The following VSTM2A variants were observed in gnomAD, a reference collection of about 807,000 sequenced individuals.
VSTM2A encodes V-set and transmembrane domain containing 2A, also known as V-set and transmembrane domain-containing protein 2A.
In VSTM2A, 13 loss-of-function variants were observed where a neutral mutation model predicts 27.3. The ratio of observed to expected loss-of-function variants is 0.48; its 90% CI spans 0.31 to 0.76. The LOEUF (loss-of-function observed/expected upper bound fraction) is 0.76, where lower values mean the gene tolerates loss of function less well. VSTM2A is among the 30% of genes least tolerant of loss of function. VSTM2A has a pLI of 0.05. For synonymous variants in VSTM2A, 142 were observed against 125.7 expected (o/e 1.13, Z -0.87); for missense variants, 280 against 310.0 (o/e 0.90, Z 0.73).
Position 54,544,755 on chromosome 7 carries a change from C to T in VSTM2A, c.213C>T (p.Asp71=). 1.9e-6 allele frequency: 3 copies of T among 1,611,940 alleles called. No individual in the cohort carries two copies. The highest frequency in any genetic ancestry group is 2.5e-6 in the Non-Finnish European group (3 of 1,179,532). ...GGTGGTTCCTGCGGGGGCCGGAGGA[C>T]CTGGATCCCGGGGCCGAGGGGGCCG... ...IQWWFLRGPE[D]LDPGAEGAGA... The change falls in exon 2 of 5, where the codon GAC becomes GAT. Residue 71 remains aspartate, a synonymous_variant. Transcript: ENST00000402613.
intron 2 of VSTM2A, 109 bp from the exon 3 acceptor site, chr7:54,546,838 C>CCCTGGTCGCTCCCCTGTCT: frequency 6.8e-7 from 1 of 1,472,266 alleles, no homozygotes; most frequent in Non-Finnish European, 9.1e-7. Flanking sequence ...CTCCCCTGTC[C>CCCTGGTCGCTCCCCTGTCT]CCAGGTCACC....
chr7:54,552,669 A>G (rs1439162443), intron 4 of VSTM2A: 1 of 152,236 alleles, frequency 6.6e-6, no homozygotes, highest in Admixed American at 6.5e-5. Flanking sequence ...AGAAAACAAA[A>G]TATTTGTACA....
At chr7:54,547,430 A>C (rs1446287696) in intron 3 of VSTM2A, among the ~76,000 whole-genome samples, 1 of 152,222 alleles carries the variant, frequency 6.6e-6, no homozygotes, top group Non-Finnish European at 1.5e-5. Context: ...AAGCAACTAA[A>C]TTTTGAATGT....
intron 4 of VSTM2A, chr7:54,554,113 G>A: frequency 6.5e-7 from 1 of 1,548,640 alleles, no homozygotes; most frequent in Non-Finnish European, 8.7e-7. Flanking sequence ...AAGCTGTCAT[G>A]CAAGTCACTG....
At chr7:54,545,212 C>A (rs1787909391) in intron 2 of VSTM2A, among the ~76,000 whole-genome samples, 1 of 151,868 alleles carries the variant, frequency 6.6e-6, no homozygotes, top group Admixed American at 6.6e-5. Context: ...GGGACCGCAG[C>A]CCCCAGGCTG....
chr7:54,550,684 A>T (rs1788161508), intron 4 of VSTM2A: 1 of 158,406 alleles, frequency 6.3e-6, no homozygotes, highest in African/African-American at 2.4e-5. Context: ...TAATGGAAGG[A>T]TGGAGGGGGG....
Position 54,570,752 on chromosome 7 carries a change from C to G in VSTM2A, c.*1533C>G, listed in dbSNP as rs1788869396. On this transcript the variant is annotated 3_prime_UTR_variant, in exon 5 of 5. Coordinates refer to ENST00000402613, the MANE Select transcript of VSTM2A (RefSeq NM_001301009.2). Reference sequence around the variant, plus strand: ...TAGATAAAGCTTGAGAGATAAATGACCTAAGTTTTCCTTCCAGAGAGACTC... The same window carrying G: ...TAGATAAAGCTTGAGAGATAAATGAGCTAAGTTTTCCTTCCAGAGAGACTC... The G allele has an allele frequency of 6.6e-6, 1 of 152,082 alleles. No individual in the cohort carries two copies. Among genetic ancestry groups the G allele is most frequent in the Admixed American group, 6.6e-5 (1 of 15,264 alleles). The allele number at this position is 152,082 out of a possible 1,614,324, so 9.4% of individuals were successfully genotyped here.
intron 4 of VSTM2A, among the ~76,000 whole-genome samples, chr7:54,564,106 A>G (rs568705027): frequency 9.8e-5 from 15 of 152,304 alleles, no homozygotes; most frequent in African/African-American, 3.6e-4. Flanking sequence ...CGTCTACTCG[A>G]AGAGCTGTAA....
chr7:54,569,237 G>A lies in VSTM2A; in HGVS notation c.*18G>A, dbSNP rs1046724918. On this transcript the variant is annotated 3_prime_UTR_variant, in exon 5 of 5. Coordinates refer to ENST00000402613, the MANE Select transcript of VSTM2A (RefSeq NM_001301009.2). ...TACTCTAATTCACTACACAAGGAGC[G>A]CCTGCTTCCGGAAGCATAAATGAAG... 10 of 1,551,482 alleles carry A rather than the reference G, an allele frequency of 6.4e-6. No individual in the cohort carries two copies. Among genetic ancestry groups the A allele is most frequent in the South Asian group, 6.0e-5 (5 of 84,026 alleles).
At chr7:54,562,272 C>T (rs1215417300) in intron 4 of VSTM2A, among the ~76,000 whole-genome samples, 2 of 152,190 alleles carry the variant, frequency 1.3e-5, no homozygotes, top group African/African-American at 4.8e-5. Flanking sequence ...TTTCAATTTA[C>T]ATAAGAAGAT....
chr7:54,565,343 TGC>T (rs1318902106), intron 4 of VSTM2A, among the ~76,000 whole-genome samples: 1 of 152,228 alleles, frequency 6.6e-6, no homozygotes, highest in Non-Finnish European at 1.5e-5. Flanking sequence ...TACTGCATGT[TGC>T]CTGGCACCTA....
At chr7:54,555,601 C>T (rs114484757) in intron 4 of VSTM2A, among the ~76,000 whole-genome samples, 1,936 of 152,282 alleles carry the variant, frequency 0.013, 49 homozygotes, top group African/African-American at 0.044. Context: ...GAAGCCCTAA[C>T]TGTGCCTTGT....
intron 4 of VSTM2A, 167 bp downstream of exon 4, chr7:54,550,337 C>T: frequency 1.4e-6 from 2 of 1,455,546 alleles, no homozygotes; most frequent in South Asian, 2.9e-5. Flanking sequence ...CCAATTCACT[C>T]AGAGCTCAAA....
At position 54,550,185 on chromosome 7, in the gene VSTM2A, T is replaced by G. The variant is rs756636107; in HGVS notation, c.634+15T>G. 1 of 1,576,428 alleles carries G rather than the reference T, an allele frequency of 6.3e-7. No individual in the cohort carries two copies. The highest frequency in any genetic ancestry group is 8.6e-7 in the Non-Finnish European group (1 of 1,161,482). ...TCCACAATCAGGTATGGAAACCCAT[T>G]TCGAGCCTTTTATTTTACCACTCAC... On this transcript the variant is annotated intron_variant, in intron 4 of 4. Coordinates refer to ENST00000402613, the MANE Select transcript of VSTM2A (RefSeq NM_001301009.2).
rs896880728 is a variant in VSTM2A, at chr7:54,542,680, A to G, written c.-51A>G. The G allele has an allele frequency of 3.8e-6, 6 of 1,567,232 alleles. No individual in the cohort carries two copies. The African/African-American group carries it at 6.8e-5, about 18-fold the overall frequency. On this transcript the variant is annotated 5_prime_UTR_variant, in exon 1 of 5. Coordinates refer to ENST00000402613, the MANE Select transcript of VSTM2A (RefSeq NM_001301009.2). ...CCATCCACTCGCACGCCTTTCTTTC[A>G]GGGCTTTTCGGCTGTTGGCTACACT...
intron 3 of VSTM2A, among the ~76,000 whole-genome samples, chr7:54,547,655 G>A (rs528495698): frequency 2.0e-5 from 3 of 152,090 alleles, no homozygotes; most frequent in African/African-American, 4.8e-5. Context: ...CAAATGAGCC[G>A]CATAGCATCA....
intron 4 of VSTM2A, chr7:54,559,847 C>T: frequency 6.6e-6 from 1 of 151,842 alleles, no homozygotes; most frequent in East Asian, 1.9e-4. Context: ...TACATGACAT[C>T]ACGTGAAAAA....
In VSTM2A at chr7:54,546,947, G is replaced by A. The variant is rs780058443; in HGVS notation, c.247G>A (p.Val83Met). The A allele has an allele frequency of 1.3e-6, 2 of 1,598,080 alleles. No individual in the cohort carries two copies. Among genetic ancestry groups the A allele is most frequent in the Admixed American group, 1.7e-5 (1 of 59,142 alleles). ...DPGAEGAGAQ[V>M]ELLPDRDPDS... ...CTGAGCGTTCGCTCCTTGCCCGCAGGTGGAGCTCTTGCCCGACAGAGACCC... is the reference window on the plus strand; with the variant it reads ...CTGAGCGTTCGCTCCTTGCCCGCAGATGGAGCTCTTGCCCGACAGAGACCC... The change falls in exon 3 of 5, where the codon GTG becomes ATG. Residue 83 changes from valine (V) to methionine (M), a missense_variant and splice_region_variant. Physicochemically the swap from Val to Met is conservative, Grantham distance 21. Transcript: ENST00000402613.
chr7:54,553,380 CCGT>C (rs1239145334), intron 4 of VSTM2A, among the ~76,000 whole-genome samples: 1 of 152,192 alleles, frequency 6.6e-6, no homozygotes, highest in Non-Finnish European at 1.5e-5. Flanking sequence ...TTGAAGTTTG[CCGT>C]CTTCAATTGT....
Sources: allele counts gnomAD v4.1 joint callset (sites outside exome capture counted in the v4.1 genomes callset), GRCh38; gene constraint gnomAD v4.1.1; transcripts MANE v1.5; gene names NCBI Gene and HGNC (gene_info 2026-07-23, HGNC 2026-07-21).